Variants in LRP2 observed in about 807,000 individuals in gnomAD.
LRP2 encodes low-density lipoprotein receptor-related protein 2.
Under a neutral mutation model 531.0 loss-of-function variants are expected in LRP2, and 172 were observed. That is an observed-to-expected ratio of 0.32 (90% CI 0.29 to 0.37). The LOEUF (loss-of-function observed/expected upper bound fraction) is 0.37. Among genes scored for constraint, LRP2 ranks in the 10% least tolerant of loss-of-function variants. The pLI is 1.00. For synonymous variants in LRP2, 1,992 were observed against 2,027.6 expected (o/e 0.98, Z 0.47); for missense variants, 5,167 against 5,868.3 (o/e 0.88, Z 3.90).
intron 1 of LRP2, among the ~76,000 whole-genome samples, chr2:169,350,915 C>T (rs1338406213): frequency 2.6e-5 from 4 of 151,838 alleles, no homozygotes; most frequent in African/African-American, 7.3e-5. Flanking sequence ...GAGTCCATGC[C>T]GCCTCCCTGA....
chr2:169,209,400 A>C, intron 38 of LRP2, 53 bp downstream of exon 38: 1 of 1,573,454 alleles, frequency 6.4e-7, no homozygotes, highest in Non-Finnish European at 8.7e-7. Context: ...TTCTAGCATA[A>C]AATAAGATGA....
intron 4 of LRP2, among the ~76,000 whole-genome samples, chr2:169,303,176 T>C (rs1684328235): frequency 6.6e-6 from 1 of 152,186 alleles, no homozygotes; most frequent in African/African-American, 2.4e-5. Flanking sequence ...TTCATGCTTC[T>C]TTTGTATATG....
At chr2:169,155,284 A>G (rs1686289671) in intron 65 of LRP2, among the ~76,000 whole-genome samples, 1 of 152,158 alleles carries the variant, frequency 6.6e-6, no homozygotes, top group Non-Finnish European at 1.5e-5. Flanking sequence ...CTATCTTGAC[A>G]TTATGTTTTA....
At chr2:169,315,295 T>C (rs775970472) in intron 3 of LRP2, among the ~76,000 whole-genome samples, 5 of 152,044 alleles carry the variant, frequency 3.3e-5, no homozygotes, top group Admixed American at 2.0e-4. Context: ...CACTAAGGAG[T>C]AATTAGAAAA....
chr2:169,264,276 A>T (rs921257247), intron 16 of LRP2, among the ~76,000 whole-genome samples: 22 of 151,868 alleles, frequency 1.4e-4, no homozygotes, highest in African/African-American at 3.9e-4. Context: ...AAAAAAATTA[A>T]AAAAAGGTAG....
At chr2:169,274,133 T>C (rs1683492322) in intron 14 of LRP2, among the ~76,000 whole-genome samples, 1 of 152,160 alleles carries the variant, frequency 6.6e-6, no homozygotes, top group Admixed American at 6.5e-5. Context: ...AGCAAATCTG[T>C]TTTCCTCTAA....
intron 44 of LRP2, among the ~76,000 whole-genome samples, chr2:169,201,278 C>G (rs1688194347): frequency 6.6e-6 from 1 of 152,146 alleles, no homozygotes; most frequent in African/African-American, 2.4e-5. Context: ...AGTAAAAATA[C>G]ATTTTGGGGA....
In LRP2 at chr2:169,243,478, G is replaced by A. The variant is rs1689887859; in HGVS notation, c.3475C>T (p.His1159Tyr). ...CQPSQFNCPN[H>Y]RCIDLSFVCD... ...ACAAACGATAGGTCAATACATCGAT[G>A]ATTGGGGCAATTAAACTGACTAGGT... The change falls in exon 23 of 79, where the codon CAT (histidine) becomes TAT (tyrosine). Residue 1159 changes from histidine (H) to tyrosine (Y), a missense_variant. His to Tyr is a moderately conservative substitution (Grantham distance 83, BLOSUM62 2). Transcript: ENST00000649046. 3 of 1,614,018 alleles carry A rather than the reference G, an allele frequency of 1.9e-6. No homozygotes were observed. The highest frequency in any genetic ancestry group is 2.5e-6 in the Non-Finnish European group (3 of 1,180,002).
intron 16 of LRP2, among the ~76,000 whole-genome samples, chr2:169,262,582 A>C (rs1426735219): frequency 3.3e-5 from 5 of 150,206 alleles, no homozygotes; most frequent in African/African-American, 1.2e-4. Context: ...ACCACTGCTC[A>C]ATGAAATAAA....
In LRP2 at chr2:169,181,511, C is replaced by A; in HGVS notation, c.10106G>T (p.Gly3369Val). The part of the protein sequence containing the change: ...IISTKLEWPN[G>V]ITIDYTNDLL... ...ATCATTGGTGTAATCAATGGTGATG[C>A]CATTAGGCCACTCTAACTTGGTGGA... Residue 3369 changes from glycine (G) to valine (V), a missense_variant, in exon 52 of 79, where the codon GGC (glycine) becomes GTC (valine). Transcript: ENST00000649046. 6.2e-7 allele frequency: 1 copy of A among 1,614,102 alleles called. No homozygotes were observed. Among genetic ancestry groups the A allele is most frequent in the Non-Finnish European group, 8.5e-7 (1 of 1,179,978 alleles).
chr2:169,347,681 C>CTAG (rs1685731983), intron 1 of LRP2, among the ~76,000 whole-genome samples: 5 of 151,938 alleles, frequency 3.3e-5, no homozygotes, highest in Admixed American at 3.3e-4. Context: ...GTACAGTCTT[C>CTAG]TAGTCTTCTA....
At chr2:169,141,257 A>G (rs1156945558) in intron 71 of LRP2, among the ~76,000 whole-genome samples, 3 of 152,212 alleles carry the variant, frequency 2.0e-5, no homozygotes, top group African/African-American at 7.2e-5. Context: ...TGTTCACTGT[A>G]TCAGACAGGT....
At chr2:169,149,887 T>C (rs1686060781) in intron 68 of LRP2, among the ~76,000 whole-genome samples, 5 of 151,394 alleles carry the variant, frequency 3.3e-5, no homozygotes, top group African/African-American at 1.2e-4. Flanking sequence ...AGTGGAGGGA[T>C]ATCAGAGTAT....
At chr2:169,325,952 G>C (rs1574258739) in intron 1 of LRP2, among the ~76,000 whole-genome samples, 1 of 151,908 alleles carries the variant, frequency 6.6e-6, no homozygotes, top group South Asian at 2.1e-4. Flanking sequence ...AATGCAAATT[G>C]ATGCATTATC....
chr2:169,233,404 C>T lies in LRP2; in HGVS notation c.5098+7G>A. On this transcript the variant is annotated splice_region_variant and intron_variant, in intron 30 of 78. Coordinates refer to ENST00000649046, the MANE Select transcript of LRP2 (RefSeq NM_004525.3). ...TCCCAGGCAGGATGTTTCTCTGTAT[C>T]ACTCACAATTTGGTTGTTTCGAAGG... The T allele has an allele frequency of 6.2e-7, 1 of 1,614,168 alleles. No individual in the cohort carries two copies. Among genetic ancestry groups the T allele is most frequent in the Non-Finnish European group, 8.5e-7 (1 of 1,179,996 alleles).
chr2:169,227,837 A>G (rs1434544042), intron 31 of LRP2, among the ~76,000 whole-genome samples: 1 of 152,186 alleles, frequency 6.6e-6, no homozygotes, highest in South Asian at 2.1e-4. Context: ...TTCAAGTACT[A>G]CAATGTAGAG....
At chr2:169,191,751 A>G (rs1192084565) in intron 48 of LRP2, 81 bp downstream of exon 48, 5 of 1,196,204 alleles carry the variant, frequency 4.2e-6, no homozygotes, top group African/African-American at 1.5e-5. Flanking sequence ...CACTGTGGCC[A>G]CGGGGTGCCT....
At chr2:169,128,867 C>G (rs895878949) in intron 78 of LRP2, 37 bp from the exon 79 acceptor site, 2 of 1,610,814 alleles carry the variant, frequency 1.2e-6, no homozygotes, top group Admixed American at 3.3e-5. Flanking sequence ...GCCATTTATT[C>G]CCCCAAGGTC....
In LRP2 at chr2:169,185,828, A is replaced by C; in HGVS notation, c.9520T>G (p.Tyr3174Asp). ...SQKCENVIGS[Y>D]ICKCAPGYLR... ...TAGCCTGGGGCACACTTACAGATGT[A>C]GGAGCCTATTACATTCTCACACTTC... is the stretch of plus-strand genomic sequence containing the variant. The change falls in exon 50 of 79, where the codon TAC (tyrosine) becomes GAC (aspartate). Residue 3174 changes from tyrosine (Y) to aspartate (D), a missense_variant. Coordinates refer to ENST00000649046, the MANE Select transcript of LRP2 (RefSeq NM_004525.3). 1 of 1,614,098 alleles carries C rather than the reference A, an allele frequency of 6.2e-7. No individual in the cohort carries two copies. The highest frequency in any genetic ancestry group is 8.5e-7 in the Non-Finnish European group (1 of 1,179,992).
Sources: gnomAD v4.1 joint callset for allele counts (sites outside exome capture counted in the v4.1 genomes callset) on GRCh38, gnomAD v4.1.1 for gene constraint, MANE v1.5 for transcripts, NCBI Gene and HGNC (gene_info 2026-07-23, HGNC 2026-07-21) for gene names.